The following DCTN6 variants were observed in gnomAD, a reference collection of about 807,000 sequenced individuals.
The protein encoded by DCTN6 is dynactin 6.
DCTN6 carries 15 observed loss-of-function variants against 25.8 expected under a neutral mutation model. The observed-to-expected ratio is 0.58, with a 90% confidence interval of 0.39 to 0.89. The LOEUF (loss-of-function observed/expected upper bound fraction) is 0.89. Ranked by LOEUF, DCTN6 falls within the 40% of genes least tolerant of loss-of-function variation. The probability of loss-of-function intolerance (pLI) is 0.00; values close to 1 mark genes in which losing one functional copy is unlikely to be tolerated. For synonymous variants in DCTN6, 64 were observed against 78.3 expected (o/e 0.82, Z 0.96); for missense variants, 198 against 237.6 (o/e 0.83, Z 1.09).
At chr8:30,171,263 C>T (rs1803759593) in intron 2 of DCTN6, among the ~76,000 whole-genome samples, 1 of 151,048 alleles carries the variant, frequency 6.6e-6, no homozygotes, top group Non-Finnish European at 1.5e-5. Context: ...TTTTTTTTCC[C>T]CTCAGAGACA....
At chr8:30,177,692 G>T (rs1227019956) in intron 4 of DCTN6, among the ~76,000 whole-genome samples, 1 of 152,140 alleles carries the variant, frequency 6.6e-6, no homozygotes, top group East Asian at 1.9e-4. Flanking sequence ...ACTCCAGCCT[G>T]GGTGACAGAG....
intron 6 of DCTN6, 188 bp downstream of exon 6, chr8:30,180,818 G>C: frequency 1.5e-6 from 1 of 680,048 alleles, no homozygotes; most frequent in South Asian, 2.2e-5. Flanking sequence ...GATGACTTGA[G>C]GGCAGGAATT....
Position 30,180,642 on chromosome 8 carries a change from T to G in DCTN6, c.474+12T>G, listed in dbSNP as rs778581813. On this transcript the variant is annotated intron_variant, in intron 6 of 6. Coordinates refer to ENST00000221114, the MANE Select transcript of DCTN6 (RefSeq NM_006571.4). ...CTGAGCGACCGCAGGTACTAGAACCTCTCTTTAAAAAGAGTTCTATCTGCT... is the reference window on the plus strand; with the variant it reads ...CTGAGCGACCGCAGGTACTAGAACCGCTCTTTAAAAAGAGTTCTATCTGCT... The G allele has an allele frequency of 1.3e-5, 21 of 1,612,208 alleles. No individual in the cohort carries two copies. In the East Asian group the frequency reaches 1.8e-4, roughly 14 times the overall value.
chr8:30,156,471 C>A, intron 1 of DCTN6, 65 bp downstream of exon 1: 1 of 1,551,166 alleles, frequency 6.4e-7, no homozygotes, highest in South Asian at 1.2e-5. Flanking sequence ...TGTTCCTGGT[C>A]GCCAATGGTG....
At chr8:30,162,111 A>G (rs979217945) in intron 1 of DCTN6, among the ~76,000 whole-genome samples, 1 of 150,492 alleles carries the variant, frequency 6.6e-6, no homozygotes, top group Non-Finnish European at 1.5e-5. Context: ...TCTTTTCGAG[A>G]TGGAGTCTCG....
rs746628122 is a variant in DCTN6, at chr8:30,175,142, T to G, written c.146T>G (p.Val49Gly). 5 of 1,614,116 alleles carry G rather than the reference T, an allele frequency of 3.1e-6. No homozygotes were observed. The highest frequency in any genetic ancestry group is 4.2e-6 in the Non-Finnish European group (5 of 1,180,002). Residue 49 changes from valine (V) to glycine (G), a missense_variant, in exon 3 of 7, where the codon GTG becomes GGG. Physicochemically the swap from Val to Gly is moderately radical, Grantham distance 109. Transcript: ENST00000221114. ...ATTATTGCGGAAGCCGGGCCAATAGTGATTGGCGAAGGGAACCTAATAGAA... is the reference window on the plus strand; with the variant it reads ...ATTATTGCGGAAGCCGGGCCAATAGGGATTGGCGAAGGGAACCTAATAGAA... ...ARIIAEAGPIVIGEGNLIEEQ... is the reference protein window; with the variant it reads ...ARIIAEAGPIGIGEGNLIEEQ...
At chr8:30,166,385 C>T (rs756685652) in intron 2 of DCTN6, among the ~76,000 whole-genome samples, 1 of 149,368 alleles carries the variant, frequency 6.7e-6, no homozygotes, top group Non-Finnish European at 1.5e-5. Context: ...TGGGCTCAAG[C>T]GATCCTCCTG....
intron 2 of DCTN6, among the ~76,000 whole-genome samples, chr8:30,168,357 A>G (rs569534566): frequency 3.3e-5 from 5 of 152,228 alleles, no homozygotes; most frequent in Non-Finnish European, 2.9e-5. Context: ...GCTTCTATTA[A>G]TTCATTTTTC....
chr8:30,158,019 C>G (rs1345039669), intron 1 of DCTN6, among the ~76,000 whole-genome samples: 1 of 151,786 alleles, frequency 6.6e-6, no homozygotes, highest in Non-Finnish European at 1.5e-5. Context: ...CATCTGCCGG[C>G]TCACCTCTCT....
At chr8:30,161,930 G>A (rs937955277) in intron 1 of DCTN6, among the ~76,000 whole-genome samples, 9 of 149,730 alleles carry the variant, frequency 6.0e-5, no homozygotes, top group African/African-American at 9.9e-5. Flanking sequence ...TGTATTTTTA[G>A]TAGAGACGGG....
chr8:30,165,856 C>T, intron 2 of DCTN6: 1 of 149,778 alleles, frequency 6.7e-6, no homozygotes, highest in South Asian at 2.1e-4. Context: ...AGCGAAACTC[C>T]TTCTCAGAAA....
In DCTN6 at chr8:30,175,129, G is replaced by A; in HGVS notation, c.133G>A (p.Ala45Thr). ...CCCTAAAGCAAGAATTATTGCGGAA[G>A]CCGGGCCAATAGTGATTGGCGAAGG... ...IHPKARIIAEAGPIVIGEGNL... is the reference protein window; with the variant it reads ...IHPKARIIAETGPIVIGEGNL... The change falls in exon 3 of 7, where the codon GCC (alanine) becomes ACC (threonine). Residue 45 changes from alanine to threonine, a missense_variant. By Grantham distance (58) the Ala-to-Thr change is moderately conservative. Coordinates refer to ENST00000221114, the MANE Select transcript of DCTN6 (RefSeq NM_006571.4). 1 of 1,614,126 alleles carries A rather than the reference G, an allele frequency of 6.2e-7. No individual in the cohort carries two copies. The highest frequency in any genetic ancestry group is 8.5e-7 in the Non-Finnish European group (1 of 1,180,012).
At position 30,161,010 on chromosome 8, in the gene DCTN6, G is replaced by A. The variant is rs1400436695; in HGVS notation, c.24-3101G>A. ...TATGTGCTACCAGTGCATTTGATATGGTTTGGCCCTGTGTCCCCATCATAT... is the reference window on the plus strand; with the variant it reads ...TATGTGCTACCAGTGCATTTGATATAGTTTGGCCCTGTGTCCCCATCATAT... On this transcript the variant is annotated intron_variant, in intron 1 of 6. Coordinates refer to ENST00000221114, the MANE Select transcript of DCTN6 (RefSeq NM_006571.4). Among the ~76,000 whole-genome samples, 3 of 152,138 alleles carry A rather than the reference G, an allele frequency of 2.0e-5. No individual in the cohort carries two copies. In the East Asian group the frequency reaches 5.8e-4, roughly 29 times the overall value.
At chr8:30,183,050 G>A in intron 6 of DCTN6, 25 bp from the exon 7 acceptor site, 1 of 1,607,198 alleles carries the variant, frequency 6.2e-7, no homozygotes, top group East Asian at 2.2e-5. Flanking sequence ...TCTGCCAATC[G>A]GCCTTAATTA....
chr8:30,180,726 A>AC (rs2117601232), intron 6 of DCTN6, 96 bp downstream of exon 6: 1 of 1,400,494 alleles, frequency 7.1e-7, no homozygotes, highest in Non-Finnish European at 9.6e-7. Flanking sequence ...CTATTTAAGA[A>AC]CATAATTAAA....
intron 2 of DCTN6, among the ~76,000 whole-genome samples, chr8:30,172,446 AT>A (rs1478363663): frequency 3.4e-5 from 4 of 117,278 alleles, no homozygotes; most frequent in Non-Finnish European, 7.9e-5. Context: ...ATGGAGTGAT[AT>A]TTACAAATTT....
At chr8:30,178,102 T>C (rs1803865064) in intron 4 of DCTN6, among the ~76,000 whole-genome samples, 2 of 152,174 alleles carry the variant, frequency 1.3e-5, no homozygotes, top group African/African-American at 4.8e-5. Flanking sequence ...ATTCCATTAT[T>C]CATGTGTTGT....
intron 2 of DCTN6, among the ~76,000 whole-genome samples, chr8:30,169,484 TC>T (rs1803733004): frequency 6.6e-6 from 1 of 152,160 alleles, no homozygotes; most frequent in African/African-American, 2.4e-5. Context: ...GTAAGGCAGT[TC>T]CAACTCTAGA....
At position 30,179,573 on chromosome 8, in the gene DCTN6, T is replaced by C. The variant is rs112774219; in HGVS notation, c.331+118T>C. 3.1e-5 allele frequency: 24 copies of C among 771,288 alleles called. 2 individuals are homozygous for C. Among genetic ancestry groups the C allele is most frequent in the African/African-American group, 2.5e-4 (14 of 56,624 alleles). 47.8% of individuals were successfully genotyped at this position (771,288 alleles called of 1,614,324 possible). On this transcript the variant is annotated intron_variant, in intron 5 of 6. Transcript: ENST00000221114. ...TGTTGTGCTTGGAAGTGGGCTACAA[T>C]AGCTGGCGAACTAATTGTTTGCCAC...
Sources: gnomAD v4.1 joint callset for allele counts (sites outside exome capture counted in the v4.1 genomes callset) on GRCh38, gnomAD v4.1.1 for gene constraint, MANE v1.5 for transcripts, NCBI Gene and HGNC (gene_info 2026-07-23, HGNC 2026-07-21) for gene names.